Variants in TAF12 observed in about 807,000 individuals in gnomAD.
TAF12 encodes transcription initiation factor TFIID subunit 12.
A neutral mutation model predicts 20.8 loss-of-function variants in TAF12; 3 were observed. The ratio of observed to expected loss-of-function variants is 0.14; its 90% CI spans 0.07 to 0.37. The LOEUF is 0.37. Ranked by LOEUF, TAF12 falls within the 10% of genes least tolerant of loss-of-function variation. The pLI, the probability that TAF12 is intolerant of heterozygous loss-of-function variation, is 1.00. For missense variants in TAF12, 131 were observed against 197.9 expected, an observed-to-expected ratio of 0.66 and a Z score of 2.03; for synonymous variants, 69 against 70.2, an observed-to-expected ratio of 0.98 and a Z score of 0.09.
chr1:28,613,458 A>T (rs1666930583), intron 3 of TAF12, 97 bp from the exon 4 acceptor site: 8 of 992,358 alleles, frequency 8.1e-6, no homozygotes, highest in South Asian at 8.0e-5. Flanking sequence ...ATATTTAGTC[A>T]GGCATTCTAG....
intron 1 of TAF12, among the ~76,000 whole-genome samples, chr1:28,630,157 G>A (rs1391163904): frequency 1.3e-5 from 2 of 151,988 alleles, no homozygotes; most frequent in Non-Finnish European, 2.9e-5. Flanking sequence ...TGTTGCCCAG[G>A]CTGCTCTCAA....
chr1:28,628,129 C>T lies in TAF12; in HGVS notation c.-84-5964G>A, dbSNP rs548577777. On this transcript the variant is annotated intron_variant, in intron 1 of 5. Coordinates refer to ENST00000373824, the MANE Select transcript of TAF12 (RefSeq NM_005644.4). ...ACTGTACTACTAGATATTTATCCGA[C>T]AGAAAGGAAAACCTGAGCTCGAGAC... 8.1e-5 allele frequency among the ~76,000 whole-genome samples: 12 copies of T among 148,840 alleles called. No individual in the cohort carries two copies. The South Asian group carries it at 2.5e-3, about 31-fold the overall frequency.
intron 3 of TAF12, among the ~76,000 whole-genome samples, chr1:28,617,714 G>A (rs548383908): frequency 6.6e-6 from 1 of 152,130 alleles, no homozygotes; most frequent in Non-Finnish European, 1.5e-5. Context: ...ACCTCCCAAA[G>A]TGCTGGGATT....
chr1:28,642,828 T>A, intron 1 of TAF12, 164 bp downstream of exon 1: 1 of 985,472 alleles, frequency 1.0e-6, no homozygotes, highest in Non-Finnish European at 1.2e-6. Context: ...CAGCCGCGTC[T>A]TCTCCGAGCC....
intron 1 of TAF12, among the ~76,000 whole-genome samples, chr1:28,636,528 C>T (rs1667828510): frequency 6.6e-6 from 1 of 150,444 alleles, no homozygotes; most frequent in Non-Finnish European, 1.5e-5. Context: ...TGGTGGCTCA[C>T]ACCTATAATT....
At chr1:28,631,103 A>G (rs1667602974) in intron 1 of TAF12, among the ~76,000 whole-genome samples, 1 of 151,980 alleles carries the variant, frequency 6.6e-6, no homozygotes, top group Non-Finnish European at 1.5e-5. Context: ...TGTATAAATC[A>G]CATATCCAAC....
chr1:28,645,854 GC>G, upstream of TAF12, among the ~76,000 whole-genome samples: 1 of 151,990 alleles, frequency 6.6e-6, no homozygotes, highest in East Asian at 1.9e-4. Flanking sequence ...GTAGTCCCAA[GC>G]TACTCAGGAG....
intron 1 of TAF12, among the ~76,000 whole-genome samples, chr1:28,640,342 G>A (rs541967183): frequency 4.6e-5 from 7 of 152,152 alleles, no homozygotes; most frequent in Admixed American, 3.3e-4. Flanking sequence ...TTAAGAAGGA[G>A]GAGATGCTTT....
In TAF12 at chr1:28,613,227, G is replaced by A. The variant is rs1193814673; in HGVS notation, c.361+20C>T. ...AGAAGCAGTTGAATCCATACTTCAG[G>A]GAGAAACAAGACCACATACCTAAAT... On this transcript the variant is annotated intron_variant, in intron 4 of 5. Transcript: ENST00000373824. 1.3e-6 allele frequency: 2 copies of A among 1,586,194 alleles called. No individual in the cohort carries two copies. Among genetic ancestry groups the A allele is most frequent in the South Asian group, 2.3e-5 (2 of 86,254 alleles).
intron 2 of TAF12, among the ~76,000 whole-genome samples, chr1:28,621,622 A>G (rs1475924676): frequency 6.6e-6 from 1 of 152,226 alleles, no homozygotes; most frequent in Non-Finnish European, 1.5e-5. Context: ...CATACAATAC[A>G]GTAATTAATA....
rs140995116 is a variant in TAF12, at chr1:28,635,017, G to A, written c.-85+7975C>T. 8.2e-4 allele frequency among the ~76,000 whole-genome samples: 125 copies of A among 151,558 alleles called. 1 individual carries two copies. Among genetic ancestry groups the A allele is most frequent in the African/African-American group, 7.7e-4 (32 of 41,336 alleles). On this transcript the variant is annotated intron_variant, in intron 1 of 5. Coordinates refer to ENST00000373824, the MANE Select transcript of TAF12 (RefSeq NM_005644.4). ...CGAGGCAGGCGGATCACGAGGTCAGGATCGAGACCATCCTGGCTAACAGGG... is the reference window on the plus strand; with the variant it reads ...CGAGGCAGGCGGATCACGAGGTCAGAATCGAGACCATCCTGGCTAACAGGG...
intron 3 of TAF12, among the ~76,000 whole-genome samples, chr1:28,616,804 C>A (rs1408163260): frequency 6.6e-6 from 1 of 151,896 alleles, no homozygotes; most frequent in Admixed American, 6.6e-5. Context: ...TTCTCATCTA[C>A]CATAATAGGG....
chr1:28,623,428 G>A (rs1667284795), intron 1 of TAF12, among the ~76,000 whole-genome samples: 1 of 152,008 alleles, frequency 6.6e-6, no homozygotes, highest in Admixed American at 6.6e-5. Context: ...GGCTAAGGCA[G>A]AAGAATTGCT....
chr1:28,643,020 T>G lies in TAF12; in HGVS notation c.-113A>C, dbSNP rs928710616. 3 of 985,806 alleles carry G rather than the reference T, an allele frequency of 3.0e-6. No individual in the cohort carries two copies. The highest frequency in any genetic ancestry group is 3.6e-6 in the Non-Finnish European group (3 of 829,990). 61.1% of individuals were successfully genotyped at this position (985,806 alleles called of 1,614,324 possible). Reference sequence around the variant, plus strand: ...CAGCAGCGTCTATCTCCCCATGATATGCAGAGACTGCCCCAGTGAAGCGTT... The same window carrying G: ...CAGCAGCGTCTATCTCCCCATGATAGGCAGAGACTGCCCCAGTGAAGCGTT... On this transcript the variant is annotated 5_prime_UTR_variant, in exon 1 of 6. Coordinates refer to ENST00000373824, the MANE Select transcript of TAF12 (RefSeq NM_005644.4).
intron 1 of TAF12, among the ~76,000 whole-genome samples, chr1:28,634,020 T>C (rs1570333343): frequency 6.8e-6 from 1 of 147,978 alleles, no homozygotes; most frequent in Admixed American, 6.8e-5. Context: ...GAGGTGGAGG[T>C]TGCAGTTAGC....
chr1:28,645,775 A>T, upstream of TAF12, among the ~76,000 whole-genome samples: 1 of 152,110 alleles, frequency 6.6e-6, no homozygotes, highest in East Asian at 1.9e-4. Context: ...GTTTGAGACC[A>T]GCCTGGCCAA....
At chr1:28,648,267 A>G (rs1668251246) in exon 1 of TAF12, 1 of 985,170 alleles carries the variant, frequency 1.0e-6, no homozygotes, top group African/African-American at 1.7e-5. Context: ...GTTGACAAGA[A>G]AGACCCAGCA....
chr1:28,617,909 C>T (rs763323110), intron 3 of TAF12, 44 bp downstream of exon 3: 106 of 1,563,152 alleles, frequency 6.8e-5, no homozygotes, highest in Non-Finnish European at 8.3e-5. Flanking sequence ...TATGCTATAC[C>T]GGTTCTCAGG....
In TAF12 at chr1:28,603,557, C is replaced by T. The variant is rs1422911657; in HGVS notation, c.468G>A (p.Arg156=). 5 of 1,613,590 alleles carry T rather than the reference C, an allele frequency of 3.1e-6. No individual in the cohort carries two copies. Among genetic ancestry groups the T allele is most frequent in the Non-Finnish European group, 4.2e-6 (5 of 1,180,034 alleles). Residue 156 remains arginine, a synonymous_variant, in exon 6 of 6, where the codon CGG becomes CGA. Transcript: ENST00000373824. ...EAHKQRMALI[R]KTTKK Reference sequence around the variant, plus strand: ...CCGTGTGTTATTTCTTGGTTGTTTTCCGGATCAATGCCATTCTCTGAAAGG... The same window carrying T: ...CCGTGTGTTATTTCTTGGTTGTTTTTCGGATCAATGCCATTCTCTGAAAGG...
Sources: allele counts gnomAD v4.1 joint callset (sites outside exome capture counted in the v4.1 genomes callset), GRCh38; gene constraint gnomAD v4.1.1; transcripts MANE v1.5; gene names NCBI Gene and HGNC (gene_info 2026-07-23, HGNC 2026-07-21).